CPVL: variants seen among roughly 807,000 people sequenced by gnomAD.
The protein encoded by CPVL is probable serine carboxypeptidase CPVL.
In CPVL, 51 loss-of-function variants were observed where a neutral mutation model predicts 63.7. The observed-to-expected ratio is 0.80, with a 90% CI of 0.64 to 1.01. The LOEUF is 1.01. Among genes scored for constraint, CPVL ranks in the 50% least tolerant of loss-of-function variants. The pLI, the probability that CPVL is intolerant of heterozygous loss-of-function variation, is 0.00. For synonymous variants in CPVL, 195 were observed against 206.0 expected (o/e 0.95, Z 0.46); for missense variants, 530 against 573.1 (o/e 0.92, Z 0.77).
chr7:29,101,449 G>C (rs1274817445), intron 3 of CPVL, among the ~76,000 whole-genome samples: 6 of 152,164 alleles, frequency 3.9e-5, no homozygotes, highest in Admixed American at 3.9e-4. Flanking sequence ...CAAAAAATTA[G>C]CTGGGCGTGG....
In CPVL at chr7:29,096,117, G is replaced by C; in HGVS notation, c.389C>G (p.Thr130Arg). ...LFVEHGPYVVTSNMTLRDRDF... is the reference protein window; with the variant it reads ...LFVEHGPYVVRSNMTLRDRDF... Reference sequence around the variant, plus strand: ...GGGATACTTACAGGTCATGTTACTTGTGACAACATAAGGCCCATGTTCCAC... The same window carrying C: ...GGGATACTTACAGGTCATGTTACTTCTGACAACATAAGGCCCATGTTCCAC... The change falls in exon 4 of 13, where the codon ACA becomes AGA. Residue 130 changes from threonine (T) to arginine (R), a missense_variant. Coordinates refer to ENST00000265394, the MANE Select transcript of CPVL (RefSeq NM_031311.5). 1 of 1,613,462 alleles carries C rather than the reference G, an allele frequency of 6.2e-7. No individual in the cohort carries two copies. Among genetic ancestry groups the C allele is most frequent in the Non-Finnish European group, 8.5e-7 (1 of 1,179,370 alleles).
In CPVL at chr7:29,174,658, C is replaced by T. The variant is rs572100997; in HGVS notation, c.-11+6632G>A. ...GGCGGATCACCTGAGGTCAGGAGTT[C>T]GAGATCAGCCTGGCCAACATGGTGA... is the stretch of plus-strand genomic sequence containing the variant. On this transcript the variant is annotated intron_variant, in intron 5 of 16. Transcript: ENST00000409850. Among the ~76,000 whole-genome samples, 36 of 152,180 alleles carry T rather than the reference C, an allele frequency of 2.4e-4. No individual in the cohort carries two copies. The South Asian group carries it at 3.7e-3, about 16-fold the overall frequency.
At chr7:29,048,890 A>G (rs969302023) in intron 11 of CPVL, among the ~76,000 whole-genome samples, 66 of 107,230 alleles carry the variant, frequency 6.2e-4, no homozygotes, top group Non-Finnish European at 1.0e-3. Context: ...AACCATGTGA[A>G]TACATGCAAA....
intron 7 of CPVL, among the ~76,000 whole-genome samples, chr7:29,083,088 A>C (rs377241885): frequency 6.6e-5 from 10 of 152,338 alleles, no homozygotes; most frequent in African/African-American, 2.4e-4. Flanking sequence ...TAACTGGCTT[A>C]AAAAAACCTA....
chr7:29,117,116 A>G (rs1414823357), intron 2 of CPVL, among the ~76,000 whole-genome samples: 1 of 152,216 alleles, frequency 6.6e-6, no homozygotes, highest in Non-Finnish European at 1.5e-5. Context: ...AATTCTGTTC[A>G]AAGAATTTGA....
chr7:29,168,904 G>T (rs1796256518), intron 5 of CPVL, among the ~76,000 whole-genome samples: 1 of 152,160 alleles, frequency 6.6e-6, no homozygotes, highest in Non-Finnish European at 1.5e-5. Flanking sequence ...TAAGAGGTAT[G>T]AACTATTTCT....
At chr7:29,080,419 A>C (rs938072554) in intron 7 of CPVL, 1 of 151,978 alleles carries the variant, frequency 6.6e-6, no homozygotes, top group African/African-American at 2.4e-5. Context: ...TTAGGCGGGC[A>C]TGGTGGCACG....
At chr7:29,100,422 C>T (rs1330703751) in intron 3 of CPVL, among the ~76,000 whole-genome samples, 5 of 152,168 alleles carry the variant, frequency 3.3e-5, no homozygotes, top group Non-Finnish European at 7.3e-5. Flanking sequence ...TTCTAATGTG[C>T]AGGCGGCGCC....
chr7:29,013,692 A>C (rs1444162485), intron 12 of CPVL, among the ~76,000 whole-genome samples: 2 of 152,222 alleles, frequency 1.3e-5, no homozygotes, highest in African/African-American at 4.8e-5. Flanking sequence ...TTTGTGGTAG[A>C]CATAGAGATG....
intron 5 of CPVL, 150 bp downstream of exon 5, chr7:29,094,934 T>TA: frequency 1.5e-6 from 1 of 650,192 alleles, no homozygotes; most frequent in East Asian, 2.8e-5. Flanking sequence ...ACAGAAAAAC[T>TA]AAATCTCAAA....
At chr7:29,151,028 G>A (rs1389584695), upstream of CPVL, among the ~76,000 whole-genome samples, 2 of 152,160 alleles carry the variant, frequency 1.3e-5, no homozygotes, top group African/African-American at 2.4e-5. Flanking sequence ...AGCATTGAAG[G>A]CTTCATTAAG....
In CPVL at chr7:28,999,149, T is replaced by C. The variant is rs191580055; in HGVS notation, c.1321-3267A>G. 5.4e-3 allele frequency among the ~76,000 whole-genome samples: 817 copies of C among 150,652 alleles called. 6 individuals carry two copies. Among genetic ancestry groups the C allele is most frequent in the African/African-American group, 0.019 (774 of 41,038 alleles). Reference sequence around the variant, plus strand: ...ATCACTTGAACCTGGGAGGCAGAGGTTGCAGTGAGCTAAGATGGCACCACT... The same window carrying C: ...ATCACTTGAACCTGGGAGGCAGAGGCTGCAGTGAGCTAAGATGGCACCACT... On this transcript the variant is annotated intron_variant, in intron 12 of 12. Transcript: ENST00000265394.
chr7:29,137,004 T>C (rs1024417249), intron 1 of CPVL, among the ~76,000 whole-genome samples: 4 of 152,210 alleles, frequency 2.6e-5, no homozygotes, highest in Admixed American at 6.5e-5. Flanking sequence ...CAGTTCTTTA[T>C]TGTGACTTGC....
upstream of CPVL, among the ~76,000 whole-genome samples, chr7:29,147,981 C>G (rs957680321): frequency 2.6e-5 from 4 of 152,320 alleles, no homozygotes; most frequent in East Asian, 1.9e-4. Context: ...GCCACCTCCT[C>G]TCTTCCCACA....
intron 12 of CPVL, among the ~76,000 whole-genome samples, chr7:29,001,568 A>G (rs555310576): frequency 6.6e-6 from 1 of 152,344 alleles, no homozygotes; most frequent in African/African-American, 2.4e-5. Flanking sequence ...ACTTCCTAAC[A>G]AAGAATGCAA....
intron 12 of CPVL, among the ~76,000 whole-genome samples, chr7:29,025,014 T>C (rs1355654037): frequency 1.3e-5 from 2 of 152,102 alleles, no homozygotes; most frequent in African/African-American, 4.8e-5. Context: ...GAACAAAGGA[T>C]ATATAAAACA....
chr7:29,164,799 A>C (rs1410600372), intron 5 of CPVL, among the ~76,000 whole-genome samples: 2 of 151,624 alleles, frequency 1.3e-5, no homozygotes, highest in African/African-American at 2.4e-5. Context: ...AAAAAAAAAA[A>C]AACAAAGATT....
chr7:29,141,691 C>T (rs1791899648), intron 1 of CPVL, among the ~76,000 whole-genome samples: 1 of 152,046 alleles, frequency 6.6e-6, no homozygotes, highest in Non-Finnish European at 1.5e-5. Flanking sequence ...CTAAGGCAGG[C>T]GGATCATGAG....
In CPVL at chr7:29,189,441, C is replaced by T. The variant is rs1054273426; in HGVS notation, c.-447-2894G>A. Among the ~76,000 whole-genome samples, 14 of 152,246 alleles carry T rather than the reference C, an allele frequency of 9.2e-5. No individual in the cohort carries two copies. The East Asian group carries it at 2.7e-3, about 29-fold the overall frequency. On this transcript the variant is annotated intron_variant, in intron 1 of 16. Transcript: ENST00000409850. ...GAGCATAAAGCCATAGGAACCCCCG[C>T]AGAAGACACGAAAAACAAACTCACT... is the stretch of plus-strand genomic sequence containing the variant.
Sources: gnomAD v4.1 joint callset for allele counts (sites outside exome capture counted in the v4.1 genomes callset) on GRCh38, gnomAD v4.1.1 for gene constraint, MANE v1.5 for transcripts, NCBI Gene and HGNC (gene_info 2026-07-23, HGNC 2026-07-21) for gene names.